Variants in SLC41A1 observed in about 807,000 individuals in gnomAD.
SLC41A1 encodes solute carrier family 41 member 1.
SLC41A1 carries 20 observed loss-of-function variants against 47.3 expected under a neutral mutation model. The observed-to-expected ratio is 0.42, with a 90% CI of 0.30 to 0.61. SLC41A1 has a LOEUF of 0.61. Ranked by LOEUF, SLC41A1 falls within the 20% of genes least tolerant of loss-of-function variation. The probability of loss-of-function intolerance (pLI) is 0.17; values close to 1 mark genes in which losing one functional copy is unlikely to be tolerated. For missense variants in SLC41A1, 504 were observed against 674.1 expected, an observed-to-expected ratio of 0.75 and a Z score of 2.79; for synonymous variants, 282 against 272.7, an observed-to-expected ratio of 1.03 and a Z score of -0.34.
rs1207021908 is a variant in SLC41A1, at chr1:205,811,037, T to C, written c.-596A>G. ...TTCCTCCCTTCCTGGGAAGAGCTAA[T>C]ACCTCTTCAAATCCCTGGTCCTTAA... On this transcript the variant is annotated 5_prime_UTR_variant, in exon 2 of 11. Coordinates refer to ENST00000367137, the MANE Select transcript of SLC41A1 (RefSeq NM_173854.6). 1 of 158,398 alleles carries C rather than the reference T, an allele frequency of 6.3e-6. No homozygotes were observed. Among genetic ancestry groups the C allele is most frequent in the Non-Finnish European group, 1.4e-5 (1 of 71,796 alleles). The allele number at this position is 158,398 out of a possible 1,614,324, so 9.8% of individuals were successfully genotyped here. A position where few individuals can be genotyped will look rare whatever the true frequency, so the allele number is the denominator to read the frequency against.
At chr1:205,796,821 G>A in intron 8 of SLC41A1, 103 bp downstream of exon 8, 1 of 1,161,144 alleles carries the variant, frequency 8.6e-7, no homozygotes, top group Admixed American at 2.0e-5. Context: ...ATTCTCGTCT[G>A]CTGGAACCCT....
In SLC41A1 at chr1:205,813,038, G is replaced by A. The variant is rs774867869; in HGVS notation, c.-877C>T. 3.9e-4 allele frequency: 389 copies of A among 985,412 alleles called. No individual in the cohort carries two copies. The highest frequency in any genetic ancestry group is 5.2e-4 in the Middle Eastern group (1 of 1,936). The allele number at this position is 985,412 out of a possible 1,614,324, so 61.0% of individuals were successfully genotyped here. On this transcript the variant is annotated 5_prime_UTR_variant, in exon 1 of 11. Coordinates refer to ENST00000367137, the MANE Select transcript of SLC41A1 (RefSeq NM_173854.6). ...GCCGCCGCTCCGCTTCCACGCGGGGGAGGTGGCCGGGGAGGGCAGGATATA... is the reference window on the plus strand; with the variant it reads ...GCCGCCGCTCCGCTTCCACGCGGGGAAGGTGGCCGGGGAGGGCAGGATATA...
rs1655759042 is a variant in SLC41A1 at position 205,796,756 on chromosome 1, T to C, written c.1072+168A>G. ...ACATCCCTTATCTGTCCTTTTACTC[T>C]GCTCCCACCTCTGTAAGCAGTCCCT... is the stretch of plus-strand genomic sequence containing the variant. On this transcript the variant is annotated intron_variant, in intron 8 of 10. Coordinates refer to ENST00000367137, the MANE Select transcript of SLC41A1 (RefSeq NM_173854.6). 5 of 695,570 alleles carry C rather than the reference T, an allele frequency of 7.2e-6. No individual in the cohort carries two copies. In the Admixed American group the frequency reaches 1.1e-4, roughly 16 times the overall value. 43.1% of individuals were successfully genotyped at this position (695,570 alleles called of 1,614,324 possible).
At position 205,813,119 on chromosome 1, in the gene SLC41A1, C is replaced by A; in HGVS notation, c.-958G>T. ...ACGGGGGACCGGGGAGCCGAGCTCA[C>A]GCGCCCCCAATCGCTTCTTGCCCGC... On this transcript the variant is annotated 5_prime_UTR_variant, in exon 1 of 11. Coordinates refer to ENST00000367137, the MANE Select transcript of SLC41A1 (RefSeq NM_173854.6). 1 of 985,538 alleles carries A rather than the reference C, an allele frequency of 1.0e-6. No homozygotes were observed. The highest frequency in any genetic ancestry group is 1.2e-6 in the Non-Finnish European group (1 of 830,042). 61.0% of individuals were successfully genotyped at this position (985,538 alleles called of 1,614,324 possible).
At chr1:205,809,414 C>A (rs1656091085) in intron 2 of SLC41A1, among the ~76,000 whole-genome samples, 1 of 152,202 alleles carries the variant, frequency 6.6e-6, no homozygotes, top group Admixed American at 6.5e-5. Context: ...TCTGCCCAGG[C>A]CTAGTTACAT....
Position 205,794,868 on chromosome 1 carries a change from AC to A in SLC41A1, c.1356+1del. ...CATGCCCCTGCTCCTGCCACTTTGTACCTGGAGCAGTGCAGCTGTCATATAG... is the reference window on the plus strand; with the variant it reads ...CATGCCCCTGCTCCTGCCACTTTGTACTGGAGCAGTGCAGCTGTCATATAG... On this transcript the variant is annotated splice_donor_variant, in intron 10 of 10. Coordinates refer to ENST00000367137, the MANE Select transcript of SLC41A1 (RefSeq NM_173854.6). LOFTEE classifies it high-confidence loss of function. 1 of 1,613,856 alleles carries A rather than the reference AC, an allele frequency of 6.2e-7. No homozygotes were observed. The highest frequency in any genetic ancestry group is 8.5e-7 in the Non-Finnish European group (1 of 1,179,976).
At chr1:205,793,612 G>C (rs1387863633) in intron 10 of SLC41A1, among the ~76,000 whole-genome samples, 1 of 152,200 alleles carries the variant, frequency 6.6e-6, no homozygotes, top group Non-Finnish European at 1.5e-5. Flanking sequence ...ATCAATACAG[G>C]ACTGGCGAAA....
chr1:205,799,134 G>A lies in SLC41A1; in HGVS notation c.553-33C>T, dbSNP rs1251683275. 4.3e-6 allele frequency: 7 copies of A among 1,610,968 alleles called. No homozygotes were observed. In the Admixed American group the frequency reaches 1.2e-4, roughly 27 times the overall value. ...CAGGAGTGGTAACTCAGAAAGCCCT[G>A]AGAGCAGTGGGCTTCCTAAGCTGAG... On this transcript the variant is annotated intron_variant, in intron 4 of 10. Transcript: ENST00000367137.
Position 205,795,389 on chromosome 1 carries a change from C to A in SLC41A1, c.1162G>T (p.Ala388Ser), listed in dbSNP as rs1241296990. Residue 388 changes from alanine (A) to serine (S), a missense_variant, in exon 9 of 11, where the codon GCT (alanine) becomes TCT (serine). By Grantham distance (99) the Ala-to-Ser change is moderately conservative. This residue lies in a region of SLC41A1 where 421 missense variants were observed against 601.6 expected (regional missense o/e 0.70). Transcript: ENST00000367137. ...CAAGGACTGGGACAGCGGCGAGGAG[C>A]TTGCTCAGAGTTCTCTCCGGGCATT... ...NGMPGENSEQ[A>S]PRRCPSPCTT... 1 of 1,614,094 alleles carries A rather than the reference C, an allele frequency of 6.2e-7. No homozygotes were observed. The highest frequency in any genetic ancestry group is 1.3e-5 in the African/African-American group (1 of 74,924).
Position 205,795,434 on chromosome 1 carries a change from T to TG in SLC41A1, c.1116dup (p.Thr373HisfsTer14). ...GGCATTCCATTCATGTGCAGGAAGG[T>TG]GGAGATGCGGCTGGCCTGCACTGCC... On this transcript the variant is annotated frameshift_variant, in exon 9 of 11. Transcript: ENST00000367137. LOFTEE classifies it high-confidence loss of function. 6.2e-7 allele frequency: 1 copy of TG among 1,614,068 alleles called. No individual in the cohort carries two copies. Among genetic ancestry groups the TG allele is most frequent in the Non-Finnish European group, 8.5e-7 (1 of 1,180,008 alleles).
chr1:205,801,019 T>G lies in SLC41A1; in HGVS notation c.414A>C (p.Leu138=). Reference sequence around the variant, plus strand: ...CTTTGAGCCCCAGCAGCGCAGGCACTAGGATGAAGACCTCTGTCACCTTCT... The same window carrying G: ...CTTTGAGCCCCAGCAGCGCAGGCACGAGGATGAAGACCTCTGTCACCTTCT... ...VFQKVTEVFI[L]VPALLGLKGN... is the part of the protein sequence containing the mutation. Residue 138 remains leucine, a synonymous_variant, in exon 3 of 11, where the codon CTA becomes CTC. Transcript: ENST00000367137. 1 of 1,614,130 alleles carries G rather than the reference T, an allele frequency of 6.2e-7. No homozygotes were observed. Among genetic ancestry groups the G allele is most frequent in the Non-Finnish European group, 8.5e-7 (1 of 1,180,002 alleles).
At position 205,799,534 on chromosome 1, in the gene SLC41A1, C is replaced by T. The variant is rs184341301; in HGVS notation, c.552+225G>A. 3.7e-3 allele frequency among the ~76,000 whole-genome samples: 562 copies of T among 152,290 alleles called. 5 individuals are homozygous for T. The highest frequency in any genetic ancestry group is 2.9e-3 in the Non-Finnish European group (195 of 68,014). On this transcript the variant is annotated intron_variant, in intron 4 of 10. Transcript: ENST00000367137. ...CAGGATCTGCTGGGACTCAAAGGCA[C>T]GTGCACCACCAAGAACTGAGAACCA...
At position 205,794,997 on chromosome 1, in the gene SLC41A1, C is replaced by T. The variant is rs1379272843; in HGVS notation, c.1229G>A (p.Arg410Gln). ...TGGGACCACGAGGAGGAAGAGGACC[C>T]GGGCTGAGCGAGAATTCACATCTGG... ...FSPDVNSRSA[R>Q]VLFLLVVPGH... Residue 410 changes from arginine to glutamine, a missense_variant, in exon 10 of 11, where the codon CGG becomes CAG. Arg to Gln is a conservative substitution (Grantham distance 43). Coordinates refer to ENST00000367137, the MANE Select transcript of SLC41A1 (RefSeq NM_173854.6). The T allele has an allele frequency of 5.6e-6, 9 of 1,613,792 alleles. No homozygotes were observed. Among genetic ancestry groups the T allele is most frequent in the South Asian group, 1.1e-5 (1 of 91,066 alleles).
intron 2 of SLC41A1, among the ~76,000 whole-genome samples, chr1:205,806,658 A>G (rs1656020330): frequency 1.3e-5 from 2 of 152,166 alleles, no homozygotes. Flanking sequence ...CTTCCCTTCC[A>G]GATGCTGCAG....
At chr1:205,801,585 C>T (rs1413370896) in intron 2 of SLC41A1, 1 of 189,000 alleles carries the variant, frequency 5.3e-6, no homozygotes, top group Non-Finnish European at 1.1e-5. Context: ...AGCAACTCTC[C>T]TTCTGAACAG....
intron 7 of SLC41A1, 103 bp downstream of exon 7, chr1:205,797,801 C>A: frequency 7.0e-7 from 1 of 1,422,876 alleles, no homozygotes. Context: ...CTAATGAACA[C>A]ATTTCTAGGG....
In SLC41A1 at chr1:205,791,177, G is replaced by A. The variant is rs1301805720; in HGVS notation, c.*356C>T. On this transcript the variant is annotated 3_prime_UTR_variant, in exon 11 of 11. Coordinates refer to ENST00000367137, the MANE Select transcript of SLC41A1 (RefSeq NM_173854.6). This position sits in a 1 kb window ranked among gnomAD's most constrained non-coding sequence, Gnocchi z 4.0. ...AAAATCCAGAGCCCACTTACAAAGG[G>A]TTTCTCATTAGGGCCAAGACAGGTT... 3.2e-6 allele frequency: 1 copy of A among 311,842 alleles called. No homozygotes were observed. The highest frequency in any genetic ancestry group is 2.1e-5 in the African/African-American group (1 of 46,520). 19.3% of individuals were successfully genotyped at this position (311,842 alleles called of 1,614,324 possible). A position where few individuals can be genotyped will look rare whatever the true frequency, so the allele number is the denominator to read the frequency against.
At chr1:205,794,097 T>C (rs1440190840) in intron 10 of SLC41A1, among the ~76,000 whole-genome samples, 1 of 152,034 alleles carries the variant, frequency 6.6e-6, no homozygotes, top group East Asian at 1.9e-4. Context: ...ATAGTGGTGG[T>C]CACACAAATC....
At position 205,795,494 on chromosome 1, in the gene SLC41A1, C is replaced by A; in HGVS notation, c.1073-16G>T. 1 of 1,614,074 alleles carries A rather than the reference C, an allele frequency of 6.2e-7. No homozygotes were observed. The highest frequency in any genetic ancestry group is 8.5e-7 in the Non-Finnish European group (1 of 1,179,992). Reference sequence around the variant, plus strand: ...CCCCCAACACCTGCAGAGACACATACGGGCTTAGACACAGACAGAGGTCAG... The same window carrying A: ...CCCCCAACACCTGCAGAGACACATAAGGGCTTAGACACAGACAGAGGTCAG... On this transcript the variant is annotated splice_polypyrimidine_tract_variant and intron_variant, in intron 8 of 10. Transcript: ENST00000367137.
Sources: gnomAD v4.1 joint callset for allele counts (sites outside exome capture counted in the v4.1 genomes callset) on GRCh38, gnomAD v4.1.1 for gene constraint, gnomAD v4.1.1 regional missense constraint, Gnocchi (gnomAD v3.1) non-coding constraint, MANE v1.5 for transcripts, NCBI Gene and HGNC (gene_info 2026-07-23, HGNC 2026-07-21) for gene names.